Variants in MARCHF1 observed in about 807,000 individuals in gnomAD.
The protein encoded by MARCHF1 is E3 ubiquitin-protein ligase MARCHF1.
Under a neutral mutation model 54.2 loss-of-function variants are expected in MARCHF1, and 40 were observed. That is an observed-to-expected ratio of 0.74 (90% CI 0.57 to 0.96). MARCHF1 has a LOEUF of 0.96. Among genes scored for constraint, MARCHF1 ranks in the 40% least tolerant of loss-of-function variants. The pLI, the probability that MARCHF1 is intolerant of heterozygous loss-of-function variation, is 0.00. For missense variants in MARCHF1, 586 were observed against 656.5 expected, an observed-to-expected ratio of 0.89 and a Z score of 1.17; for synonymous variants, 236 against 236.3, an observed-to-expected ratio of 1.00 and a Z score of 0.01.
chr4:164,282,300 A>T (rs1225446425), intron 1 of MARCHF1, among the ~76,000 whole-genome samples: 1 of 150,836 alleles, frequency 6.6e-6, no homozygotes, highest in Non-Finnish European at 1.5e-5. Context: ...TTATCTCCAG[A>T]TTTTTGATTT....
chr4:164,073,041 G>T (rs1407911475), intron 2 of MARCHF1, among the ~76,000 whole-genome samples: 4 of 152,190 alleles, frequency 2.6e-5, no homozygotes, highest in Non-Finnish European at 5.9e-5. Context: ...AATTCGCATA[G>T]TCAGAAGGAG....
chr4:163,528,733 TC>T lies in MARCHF1; in HGVS notation c.*14del. The stretch of plus-strand genomic sequence containing the variant: ...GAAAGATATTCTTCGGTGAAGAAAC[TC>T]CCAACAGGTTCCATCAGACTGATAC... On this transcript the variant is annotated 3_prime_UTR_variant, in exon 10 of 10. Coordinates refer to ENST00000514618, the MANE Select transcript of MARCHF1 (RefSeq NM_001394959.1). 1 of 1,592,082 alleles carries T rather than the reference TC, an allele frequency of 6.3e-7. No homozygotes were observed. Among genetic ancestry groups the T allele is most frequent in the South Asian group, 1.1e-5 (1 of 87,444 alleles).
chr4:164,138,034 A>C (rs1296111554), intron 1 of MARCHF1, among the ~76,000 whole-genome samples: 1 of 152,132 alleles, frequency 6.6e-6, no homozygotes, highest in Non-Finnish European at 1.5e-5. Context: ...CACTGTAGTA[A>C]TGACAAAGCC....
chr4:163,784,708 T>A (rs1311338024), intron 4 of MARCHF1, among the ~76,000 whole-genome samples: 2 of 152,144 alleles, frequency 1.3e-5, no homozygotes, highest in African/African-American at 4.8e-5. Flanking sequence ...TGACATTTCA[T>A]AGGAACTGCT....
intron 3 of MARCHF1, among the ~76,000 whole-genome samples, chr4:163,959,191 G>A (rs1329940351): frequency 1.3e-5 from 2 of 151,650 alleles, no homozygotes; most frequent in Non-Finnish European, 2.9e-5. Flanking sequence ...TACAATTATG[G>A]GTGTTTTAAG....
At chr4:164,283,388 G>T (rs1734071911) in intron 1 of MARCHF1, among the ~76,000 whole-genome samples, 3 of 150,778 alleles carry the variant, frequency 2.0e-5, no homozygotes, top group South Asian at 4.2e-4. Flanking sequence ...TATATAAGCT[G>T]CTGTAGAGGA....
At chr4:164,072,737 T>A (rs996360122) in intron 2 of MARCHF1, among the ~76,000 whole-genome samples, 4 of 151,460 alleles carry the variant, frequency 2.6e-5, no homozygotes, top group Admixed American at 2.0e-4. Context: ...TTCATTAGTG[T>A]TCTATATTCT....
intron 5 of MARCHF1, among the ~76,000 whole-genome samples, chr4:163,620,423 G>C (rs994208586): frequency 1.3e-5 from 2 of 152,044 alleles, no homozygotes; most frequent in Non-Finnish European, 2.9e-5. Flanking sequence ...TAATTTTGCT[G>C]AAACATTTTT....
intron 7 of MARCHF1, among the ~76,000 whole-genome samples, chr4:163,600,814 T>C (rs779097771): frequency 6.6e-6 from 1 of 152,114 alleles, no homozygotes; most frequent in African/African-American, 2.4e-5. Flanking sequence ...TTAGCACTTG[T>C]TGGGTAACCT....
chr4:163,653,506 G>T (rs566156276), intron 5 of MARCHF1, among the ~76,000 whole-genome samples: 1 of 151,692 alleles, frequency 6.6e-6, no homozygotes, highest in African/African-American at 2.4e-5. Context: ...ATCAGGTTAC[G>T]GTAACTGTAG....
intron 4 of MARCHF1, among the ~76,000 whole-genome samples, chr4:163,708,025 T>C (rs1745000092): frequency 6.6e-6 from 1 of 151,878 alleles, no homozygotes; most frequent in African/African-American, 2.4e-5. Flanking sequence ...GCTCCATCTA[T>C]TTGATTTCTA....
At chr4:163,756,407 TCA>T (rs1180455731) in intron 4 of MARCHF1, among the ~76,000 whole-genome samples, 14 of 151,520 alleles carry the variant, frequency 9.2e-5, no homozygotes, top group Non-Finnish European at 1.9e-4. Flanking sequence ...GGTGGGTGGA[TCA>T]CAAGGTCAGG....
intron 5 of MARCHF1, among the ~76,000 whole-genome samples, chr4:163,616,735 A>ACC (rs1290255973): frequency 6.6e-6 from 1 of 152,064 alleles, no homozygotes; most frequent in East Asian, 1.9e-4. Context: ...ACACACACAC[A>ACC]CAAAAGTAAC....
chr4:163,784,839 C>T (rs28757683), intron 4 of MARCHF1, among the ~76,000 whole-genome samples: 2,575 of 115,734 alleles, frequency 0.022, 60 homozygotes, highest in Middle Eastern at 0.099. Flanking sequence ...TGCAACTTTC[C>T]ACAGAAAAAT....
At chr4:163,814,844 A>G (rs749005811) in intron 4 of MARCHF1, among the ~76,000 whole-genome samples, 2 of 152,240 alleles carry the variant, frequency 1.3e-5, no homozygotes, top group Non-Finnish European at 2.9e-5. Flanking sequence ...TTGAAATTAC[A>G]TAAACAAATC....
chr4:163,558,550 A>C (rs775494435), intron 8 of MARCHF1, among the ~76,000 whole-genome samples: 11 of 152,192 alleles, frequency 7.2e-5, no homozygotes, highest in Non-Finnish European at 1.5e-4. Context: ...CTGATCTTTG[A>C]ACTCAGGTTT....
intron 4 of MARCHF1, among the ~76,000 whole-genome samples, chr4:163,770,559 CACACAA>C (rs1469414663): frequency 6.9e-6 from 1 of 145,544 alleles, no homozygotes; most frequent in South Asian, 2.2e-4. Flanking sequence ...CACACACACA[CACACAA>C]ACACACACAC....
chr4:164,051,383 T>C (rs1224920980), intron 2 of MARCHF1, among the ~76,000 whole-genome samples: 2 of 152,190 alleles, frequency 1.3e-5, no homozygotes, highest in Non-Finnish European at 2.9e-5. Context: ...TAGAATACAT[T>C]ATATACAATA....
intron 1 of MARCHF1, among the ~76,000 whole-genome samples, chr4:164,363,272 T>C (rs371867654): frequency 6.6e-6 from 1 of 152,118 alleles, no homozygotes; most frequent in Admixed American, 6.6e-5. Flanking sequence ...TCTGAAGAAG[T>C]AGGAAAATGT....
Sources: gnomAD v4.1 joint callset for allele counts (sites outside exome capture counted in the v4.1 genomes callset) on GRCh38, gnomAD v4.1.1 for gene constraint, MANE v1.5 for transcripts, NCBI Gene and HGNC (gene_info 2026-07-23, HGNC 2026-07-21) for gene names.